SEMA3D: variants seen among roughly 807,000 people sequenced by gnomAD.
The protein encoded by SEMA3D is semaphorin-3D.
SEMA3D carries 84 observed loss-of-function variants against 100.1 expected under a neutral mutation model. That is an observed-to-expected ratio of 0.84 (90% CI 0.70 to 1.01). The LOEUF is 1.01. Among genes scored for constraint, SEMA3D ranks in the 50% least tolerant of loss-of-function variants. The pLI, the probability that SEMA3D is intolerant of heterozygous loss-of-function variation, is 0.00. For missense variants in SEMA3D, 875 were observed against 934.1 expected (o/e 0.94, Z 0.82); for synonymous variants, 312 against 320.7 (o/e 0.97, Z 0.29).
At chr7:85,033,245 T>C (rs1174246443) in intron 12 of SEMA3D, among the ~76,000 whole-genome samples, 1 of 152,176 alleles carries the variant, frequency 6.6e-6, no homozygotes, top group East Asian at 1.9e-4. Context: ...GAGACCAGTA[T>C]GTTGAACATA....
chr7:85,047,866 T>C (rs2116030320), intron 9 of SEMA3D, among the ~76,000 whole-genome samples: 1 of 151,958 alleles, frequency 6.6e-6, no homozygotes, highest in South Asian at 2.1e-4. Context: ...AATACTGCTC[T>C]TCTGTATCTT....
chr7:85,202,526 A>G, the SEMA3D span, among the ~76,000 whole-genome samples: 2 of 152,118 alleles, frequency 1.3e-5, no homozygotes, highest in Admixed American at 6.6e-5. Context: ...CTGCACCGCA[A>G]AAGAAACTAC....
chr7:85,006,740 A>G, intron 18 of SEMA3D, 62 bp downstream of exon 18: 1 of 1,351,404 alleles, frequency 7.4e-7, no homozygotes, highest in Admixed American at 2.4e-5. Context: ...TTAAAAGTTG[A>G]ACATCTCTCA....
chr7:85,190,531 T>C (rs1427568692), upstream of SEMA3D, among the ~76,000 whole-genome samples: 1 of 152,138 alleles, frequency 6.6e-6, no homozygotes, highest in Non-Finnish European at 1.5e-5. Flanking sequence ...ATTTTCTTCT[T>C]ATAAACTCCA....
At chr7:85,034,189 T>C (rs1261986765) in intron 12 of SEMA3D, among the ~76,000 whole-genome samples, 12 of 152,152 alleles carry the variant, frequency 7.9e-5, no homozygotes, top group Admixed American at 7.9e-4. Flanking sequence ...TAAGTTAATG[T>C]TTGTAAAACC....
intron 1 of SEMA3D, among the ~76,000 whole-genome samples, chr7:85,167,054 T>C (rs1465181764): frequency 6.6e-6 from 1 of 151,944 alleles, no homozygotes; most frequent in Non-Finnish European, 1.5e-5. Flanking sequence ...CGTATTGGCC[T>C]TAGAGAAATA....
At chr7:85,186,197 C>T (rs1447324328) in intron 1 of SEMA3D, among the ~76,000 whole-genome samples, 1 of 152,208 alleles carries the variant, frequency 6.6e-6, no homozygotes, top group Non-Finnish European at 1.5e-5. Context: ...GGCGCAGATG[C>T]CCTTTGGTCA....
At chr7:85,039,241 A>G in intron 11 of SEMA3D, among the ~76,000 whole-genome samples, 1 of 152,134 alleles carries the variant, frequency 6.6e-6, no homozygotes, top group Admixed American at 6.6e-5. Context: ...ATATTCTTTG[A>G]GAAAGTTTCA....
At chr7:85,201,042 G>A in the SEMA3D span, among the ~76,000 whole-genome samples, 1 of 152,288 alleles carries the variant, frequency 6.6e-6, no homozygotes, top group East Asian at 1.9e-4. Flanking sequence ...AGAAGTTTGG[G>A]TATGTGGATT....
At chr7:85,149,759 T>A (rs1790314371) in intron 2 of SEMA3D, among the ~76,000 whole-genome samples, 1 of 152,176 alleles carries the variant, frequency 6.6e-6, no homozygotes, top group Non-Finnish European at 1.5e-5. Flanking sequence ...CGATTAACAT[T>A]AGCATCTAAT....
the SEMA3D span, among the ~76,000 whole-genome samples, chr7:85,241,467 G>GTGTGTATATA: frequency 2.8e-4 from 26 of 91,946 alleles, 1 homozygote; most frequent in African/African-American, 9.4e-4. Flanking sequence ...CTGTGTGTGT[G>GTGTGTATATA]TATATATATA....
intron 2 of SEMA3D, among the ~76,000 whole-genome samples, chr7:85,126,702 A>C (rs1399099150): frequency 2.0e-5 from 3 of 152,062 alleles, no homozygotes. Flanking sequence ...TATTGGTAAC[A>C]TTACTTCCTG....
intron 12 of SEMA3D, among the ~76,000 whole-genome samples, chr7:85,025,487 G>A (rs888979644): frequency 6.6e-6 from 1 of 151,950 alleles, no homozygotes; most frequent in African/African-American, 2.4e-5. Context: ...TAGTGGAATG[G>A]GAAGCAATGG....
At chr7:85,167,476 G>T in intron 1 of SEMA3D, 1 of 631,782 alleles carries the variant, frequency 1.6e-6, no homozygotes, top group African/African-American at 2.0e-5. Flanking sequence ...TCTATTTGTG[G>T]TAGATTAGTA....
chr7:85,079,024 T>C (rs573797158), intron 5 of SEMA3D, among the ~76,000 whole-genome samples: 1 of 152,304 alleles, frequency 6.6e-6, no homozygotes, highest in East Asian at 1.9e-4. Flanking sequence ...TTGGATCTTA[T>C]ATGGATATTT....
intron 2 of SEMA3D, among the ~76,000 whole-genome samples, chr7:85,138,803 C>T (rs1789947276): frequency 6.6e-6 from 1 of 151,552 alleles, no homozygotes; most frequent in Non-Finnish European, 1.5e-5. Flanking sequence ...CTAATGCTAT[C>T]CCTCCCCTGC....
At chr7:85,002,422 C>T (rs1789678517) in intron 18 of SEMA3D, among the ~76,000 whole-genome samples, 1 of 152,110 alleles carries the variant, frequency 6.6e-6, no homozygotes, top group Non-Finnish European at 1.5e-5. Flanking sequence ...GATATATTTA[C>T]AGAGAATTTT....
intron 18 of SEMA3D, among the ~76,000 whole-genome samples, chr7:85,004,789 T>TG (rs1789748389): frequency 6.6e-6 from 1 of 152,034 alleles, no homozygotes; most frequent in East Asian, 1.9e-4. Flanking sequence ...GAAGCAGTAT[T>TG]GCATACCCTG....
At chr7:85,090,909 G>T (rs959449794) in intron 4 of SEMA3D, among the ~76,000 whole-genome samples, 3 of 151,824 alleles carry the variant, frequency 2.0e-5, no homozygotes, top group Non-Finnish European at 4.4e-5. Flanking sequence ...ATTTAGGTTA[G>T]TTATTTTCAC....
Sources: gnomAD v4.1 joint callset for allele counts (sites outside exome capture counted in the v4.1 genomes callset) on GRCh38, gnomAD v4.1.1 for gene constraint, MANE v1.5 for transcripts, NCBI Gene and HGNC (gene_info 2026-07-23, HGNC 2026-07-21) for gene names.